Variants in RNGTT observed in about 807,000 individuals in gnomAD.
RNGTT encodes mRNA-capping enzyme.
RNGTT carries 33 observed loss-of-function variants against 79.3 expected under a neutral mutation model. The ratio of observed to expected loss-of-function variants is 0.42; its 90% CI spans 0.32 to 0.56. RNGTT has a LOEUF of 0.56. Ranked by LOEUF, RNGTT falls within the 20% of genes least tolerant of loss-of-function variation. The pLI is 0.17. For synonymous variants in RNGTT, 222 were observed against 235.9 expected, an observed-to-expected ratio of 0.94 and a Z score of 0.54; for missense variants, 497 against 739.1, an observed-to-expected ratio of 0.67 and a Z score of 3.80.
At chr6:88,858,051 C>T (rs563604858) in intron 8 of RNGTT, among the ~76,000 whole-genome samples, 9 of 152,186 alleles carry the variant, frequency 5.9e-5, no homozygotes, top group African/African-American at 2.2e-4. Flanking sequence ...ACCACAGTGG[C>T]TTCAAAACAA....
intron 8 of RNGTT, among the ~76,000 whole-genome samples, chr6:88,866,851 T>C (rs940137338): frequency 6.6e-6 from 1 of 152,144 alleles, no homozygotes; most frequent in Non-Finnish European, 1.5e-5. Flanking sequence ...TGCTGAAAAA[T>C]ATGACTTTAT....
intron 2 of RNGTT, among the ~76,000 whole-genome samples, chr6:88,929,885 CAT>C (rs1447539012): frequency 2.0e-5 from 3 of 146,606 alleles, no homozygotes; most frequent in African/African-American, 5.4e-5. Flanking sequence ...TACATACACA[CAT>C]ATATACATAT....
intron 13 of RNGTT, among the ~76,000 whole-genome samples, chr6:88,687,201 G>A (rs1052837657): frequency 6.6e-6 from 1 of 152,126 alleles, no homozygotes; most frequent in African/African-American, 2.4e-5. Context: ...AAACTCACTT[G>A]TAACTAGAAA....
At chr6:88,754,359 A>C (rs1777938356) in intron 13 of RNGTT, among the ~76,000 whole-genome samples, 1 of 152,172 alleles carries the variant, frequency 6.6e-6, no homozygotes, top group African/African-American at 2.4e-5. Flanking sequence ...CATGTGCCTG[A>C]CCTTCCTATG....
In RNGTT at chr6:88,720,440, TC is replaced by T. The variant is rs569692665; in HGVS notation, c.1440-42022del. On this transcript the variant is annotated intron_variant, in intron 13 of 15. Transcript: ENST00000369485. The stretch of plus-strand genomic sequence containing the variant: ...AATACACACATCAGACTCTAATTTT[TC>T]ATACAAGTTATACCACCTCTCTGGG... Among the ~76,000 whole-genome samples the T allele has an allele frequency of 1.4e-4, 22 of 152,164 alleles. No individual in the cohort carries two copies. The East Asian group carries it at 3.9e-3, about 27-fold the overall frequency.
intron 8 of RNGTT, among the ~76,000 whole-genome samples, chr6:88,859,213 T>A (rs1330423149): frequency 6.6e-6 from 1 of 151,936 alleles, no homozygotes; most frequent in South Asian, 2.1e-4. Context: ...CTTTTTTTTT[T>A]AACTTTATCT....
intron 11 of RNGTT, among the ~76,000 whole-genome samples, chr6:88,806,142 T>G (rs909632213): frequency 3.9e-5 from 6 of 152,060 alleles, no homozygotes; most frequent in African/African-American, 1.4e-4. Flanking sequence ...ATTTAAAAAT[T>G]CTGTCTCACA....
In RNGTT at chr6:88,861,248, A is replaced by G. The variant is rs561012709; in HGVS notation, c.897-7484T>C. ...ATTCAAGTATACTAAAATTTCTTATAAAGAAAATTCAGACCACTTTCCCAG... is the reference window on the plus strand; with the variant it reads ...ATTCAAGTATACTAAAATTTCTTATGAAGAAAATTCAGACCACTTTCCCAG... On this transcript the variant is annotated intron_variant, in intron 8 of 15. Transcript: ENST00000369485. Among the ~76,000 whole-genome samples the G allele has an allele frequency of 1.9e-4, 29 of 152,310 alleles. No individual in the cohort carries two copies. In the South Asian group the frequency reaches 4.8e-3, roughly 25 times the overall value.
intron 12 of RNGTT, among the ~76,000 whole-genome samples, chr6:88,770,340 C>G (rs1310590415): frequency 6.6e-6 from 1 of 152,164 alleles, no homozygotes; most frequent in Non-Finnish European, 1.5e-5. Context: ...CGTCAGCATT[C>G]TGGCAACAGT....
chr6:88,659,493 G>A (rs904166347), intron 14 of RNGTT, among the ~76,000 whole-genome samples: 2 of 151,958 alleles, frequency 1.3e-5, no homozygotes, highest in Admixed American at 1.3e-4. Context: ...TTAGAGAAAT[G>A]CAAAATACAC....
intron 14 of RNGTT, among the ~76,000 whole-genome samples, chr6:88,623,468 T>G (rs1772512845): frequency 6.6e-6 from 1 of 152,068 alleles, no homozygotes; most frequent in African/African-American, 2.4e-5. Flanking sequence ...ACAGAGATCT[T>G]GGTGTCCTCC....
chr6:88,640,919 T>C (rs190746190), intron 14 of RNGTT, among the ~76,000 whole-genome samples: 16 of 152,346 alleles, frequency 1.1e-4, no homozygotes, highest in Non-Finnish European at 2.2e-4. Context: ...TTCCTCTGCA[T>C]AGTATAATAA....
intron 12 of RNGTT, among the ~76,000 whole-genome samples, chr6:88,782,838 A>G (rs778695107): frequency 1.3e-5 from 2 of 152,184 alleles, no homozygotes; most frequent in Non-Finnish European, 2.9e-5. Flanking sequence ...CAAAACCTCA[A>G]TAAGACAGCA....
At chr6:88,843,784 C>T (rs939495939) in intron 11 of RNGTT, among the ~76,000 whole-genome samples, 4 of 151,180 alleles carry the variant, frequency 2.6e-5, no homozygotes, top group African/African-American at 4.9e-5. Context: ...TCTTGAGTTC[C>T]TGACCTTGTG....
At chr6:88,711,210 G>A (rs1442634310) in intron 13 of RNGTT, among the ~76,000 whole-genome samples, 1 of 152,120 alleles carries the variant, frequency 6.6e-6, no homozygotes, top group Admixed American at 6.5e-5. Flanking sequence ...TCTGTCAACA[G>A]TACATACTTA....
chr6:88,790,194 G>A (rs767914556), intron 12 of RNGTT, among the ~76,000 whole-genome samples: 6 of 152,170 alleles, frequency 3.9e-5, no homozygotes, highest in Non-Finnish European at 8.8e-5. Flanking sequence ...AAAGAAGGAC[G>A]CCAATGCAAG....
intron 13 of RNGTT, among the ~76,000 whole-genome samples, chr6:88,702,655 G>T (rs553738739): frequency 1.3e-5 from 2 of 152,104 alleles, no homozygotes; most frequent in East Asian, 1.9e-4. Flanking sequence ...CCTTGGGAAA[G>T]AATTTATGAT....
chr6:88,834,061 T>C (rs1220604152), intron 11 of RNGTT, among the ~76,000 whole-genome samples: 1 of 152,156 alleles, frequency 6.6e-6, no homozygotes, highest in Non-Finnish European at 1.5e-5. Context: ...ATAATCATCA[T>C]TTTCCTCTGA....
At chr6:88,676,385 C>CA (rs993332842) in intron 14 of RNGTT, among the ~76,000 whole-genome samples, 46 of 149,608 alleles carry the variant, frequency 3.1e-4, no homozygotes, top group Middle Eastern at 3.4e-3. Flanking sequence ...AAAAAGATGA[C>CA]AAAAAAAAAG....
Sources: gnomAD v4.1 joint callset for allele counts (sites outside exome capture counted in the v4.1 genomes callset) on GRCh38, gnomAD v4.1.1 for gene constraint, MANE v1.5 for transcripts, NCBI Gene and HGNC (gene_info 2026-07-23, HGNC 2026-07-21) for gene names.